The following C1orf21 variants were observed in gnomAD, a reference collection of about 807,000 sequenced individuals.
The protein encoded by C1orf21 is chromosome 1 open reading frame 21.
A neutral mutation model predicts 18.7 loss-of-function variants in C1orf21; 3 were observed. That is an observed-to-expected ratio of 0.16 (90% confidence interval 0.07 to 0.42). C1orf21 has a LOEUF of 0.42. Ranked by LOEUF, C1orf21 falls within the 10% of genes least tolerant of loss-of-function variation. The probability of loss-of-function intolerance (pLI) is 0.99; values close to 1 mark genes in which losing one functional copy is unlikely to be tolerated. For missense variants in C1orf21, 104 were observed against 143.6 expected, an observed-to-expected ratio of 0.72 and a Z score of 1.41; for synonymous variants, 41 against 46.4, an observed-to-expected ratio of 0.88 and a Z score of 0.47.
chr1:184,410,660 TA>T (rs1292082259), intron 1 of C1orf21, among the ~76,000 whole-genome samples: 117 of 7,592 alleles, frequency 0.015, no homozygotes, highest in Non-Finnish European at 0.018. Flanking sequence ...TATATATATA[TA>T]TATTTTTTTT....
intron 3 of C1orf21, among the ~76,000 whole-genome samples, chr1:184,589,378 A>G (rs533474141): frequency 2.0e-5 from 3 of 152,318 alleles, no homozygotes; most frequent in African/African-American, 7.2e-5. Flanking sequence ...ATTCACCAGT[A>G]TTTGCTGAGT....
chr1:184,528,207 A>G (rs1658406138), intron 3 of C1orf21, among the ~76,000 whole-genome samples: 2 of 152,202 alleles, frequency 1.3e-5, no homozygotes, highest in South Asian at 2.1e-4. Flanking sequence ...TATAACTAGT[A>G]AAGTATGGAA....
intron 1 of C1orf21, among the ~76,000 whole-genome samples, chr1:184,471,451 CTTTTT>C (rs967625652): frequency 6.6e-6 from 1 of 151,904 alleles, no homozygotes; most frequent in African/African-American, 2.4e-5. Context: ...TAAGACATGG[CTTTTT>C]TTTAAGTGGT....
intron 1 of C1orf21, among the ~76,000 whole-genome samples, chr1:184,424,337 A>G (rs1241366226): frequency 6.6e-6 from 1 of 152,134 alleles, no homozygotes; most frequent in Non-Finnish European, 1.5e-5. Flanking sequence ...CACTTTACAG[A>G]TAGGAGCTGA....
At chr1:184,507,479 G>C in intron 2 of C1orf21, 109 bp from the exon 3 acceptor site, 1 of 852,322 alleles carries the variant, frequency 1.2e-6, no homozygotes. Context: ...ACATATGAAG[G>C]CCACAGGTGA....
At chr1:184,521,043 G>A (rs562271921) in intron 3 of C1orf21, among the ~76,000 whole-genome samples, 32 of 152,144 alleles carry the variant, frequency 2.1e-4, no homozygotes, top group African/African-American at 7.5e-4. Context: ...ACAGGCATAC[G>A]CCACTATGTG....
At chr1:184,505,338 T>TAC (rs1553253574) in intron 2 of C1orf21, among the ~76,000 whole-genome samples, 11 of 133,626 alleles carry the variant, frequency 8.2e-5, no homozygotes, top group African/African-American at 3.2e-4. Flanking sequence ...TATATATATA[T>TAC]ATACACACAT....
At chr1:184,515,606 C>T (rs1027708892) in intron 3 of C1orf21, among the ~76,000 whole-genome samples, 7 of 152,030 alleles carry the variant, frequency 4.6e-5, no homozygotes, top group African/African-American at 1.7e-4. Flanking sequence ...AAGGACATTC[C>T]CATTTTAGTT....
chr1:184,482,678 T>A (rs1003133626), intron 2 of C1orf21, among the ~76,000 whole-genome samples: 5 of 152,190 alleles, frequency 3.3e-5, no homozygotes, highest in Non-Finnish European at 7.3e-5. Flanking sequence ...TGTGACAAAG[T>A]CTGTGAAGGG....
chr1:184,465,945 G>C (rs1273157891), intron 1 of C1orf21, among the ~76,000 whole-genome samples: 2 of 152,160 alleles, frequency 1.3e-5, no homozygotes, highest in African/African-American at 4.8e-5. Flanking sequence ...CTGCACTGCC[G>C]TCTCCTGGTG....
At chr1:184,612,613 G>A (rs2890016) in intron 5 of C1orf21, among the ~76,000 whole-genome samples, 24 of 152,036 alleles carry the variant, frequency 1.6e-4, no homozygotes, top group African/African-American at 5.1e-4. Flanking sequence ...CTCGGGAGGC[G>A]AAGGTTGCAG....
Position 184,628,024 on chromosome 1 carries a change from T to C in C1orf21, c.*8468T>C, listed in dbSNP as rs1455730594. 1 of 152,204 alleles carries C rather than the reference T, an allele frequency of 6.6e-6. No individual in the cohort carries two copies. The highest frequency in any genetic ancestry group is 1.5e-5 in the Non-Finnish European group (1 of 68,044). The allele number at this position is 152,204 out of a possible 1,614,324, so 9.4% of individuals were successfully genotyped here. ...TTTATTTAGGAACATGGCCTTATAT[T>C]CAAGGAAAATCTAGCATCAAGATTA... is the stretch of plus-strand genomic sequence containing the variant. On this transcript the variant is annotated 3_prime_UTR_variant, in exon 6 of 6. Coordinates refer to ENST00000235307, the MANE Select transcript of C1orf21 (RefSeq NM_030806.4).
chr1:184,473,543 G>A (rs532415103), intron 1 of C1orf21, among the ~76,000 whole-genome samples: 5 of 152,290 alleles, frequency 3.3e-5, no homozygotes, highest in East Asian at 1.9e-4. Context: ...TGATTCTAGC[G>A]GTCTTTGGGG....
chr1:184,400,961 A>G (rs535909381), intron 1 of C1orf21, among the ~76,000 whole-genome samples: 3 of 152,272 alleles, frequency 2.0e-5, no homozygotes, highest in South Asian at 4.1e-4. Context: ...TTGCATTCCC[A>G]CTAACAAAAT....
chr1:184,585,730 T>C (rs1659343610), intron 3 of C1orf21, among the ~76,000 whole-genome samples: 1 of 152,224 alleles, frequency 6.6e-6, no homozygotes, highest in Admixed American at 6.5e-5. Flanking sequence ...ATTTGGTTTT[T>C]GTTTCTCTGT....
At chr1:184,398,058 A>C (rs1392524304) in intron 1 of C1orf21, among the ~76,000 whole-genome samples, 1 of 152,182 alleles carries the variant, frequency 6.6e-6, no homozygotes, top group Non-Finnish European at 1.5e-5. Flanking sequence ...GAGGCATCAT[A>C]ATGTAGCGGG....
intron 1 of C1orf21, among the ~76,000 whole-genome samples, chr1:184,394,011 A>G (rs931027094): frequency 6.6e-6 from 1 of 152,148 alleles, no homozygotes; most frequent in African/African-American, 2.4e-5. Context: ...GGTTTCCTCT[A>G]TAAGTTTGTA....
chr1:184,613,150 A>G (rs1041673752), intron 5 of C1orf21, among the ~76,000 whole-genome samples: 4 of 152,154 alleles, frequency 2.6e-5, no homozygotes, highest in South Asian at 4.1e-4. Flanking sequence ...GGGTTTCACC[A>G]TGTTGGTCAG....
chr1:184,479,332 C>T (rs1657618125), intron 2 of C1orf21, among the ~76,000 whole-genome samples: 1 of 152,192 alleles, frequency 6.6e-6, no homozygotes, highest in African/African-American at 2.4e-5. Context: ...TACCTGATGT[C>T]CTGTGTCATT....
Sources: gnomAD v4.1 joint callset for allele counts (sites outside exome capture counted in the v4.1 genomes callset) on GRCh38, gnomAD v4.1.1 for gene constraint, MANE v1.5 for transcripts, NCBI Gene and HGNC (gene_info 2026-07-23, HGNC 2026-07-21) for gene names.